Variants in CPLANE2 observed in about 807,000 individuals in gnomAD.
CPLANE2 encodes ciliogenesis and planar polarity effector complex subunit 2.
CPLANE2 carries 24 observed loss-of-function variants against 20.9 expected under a neutral mutation model. That is an observed-to-expected ratio of 1.15 (90% confidence interval 0.83 to 1.61). CPLANE2 has a LOEUF of 1.61. CPLANE2 is among the 40% of genes most tolerant of loss of function. CPLANE2 has a pLI of 0.00. For missense variants in CPLANE2, 330 were observed against 355.1 expected (o/e 0.93, Z 0.57); for synonymous variants, 132 against 144.3 (o/e 0.92, Z 0.61).
Position 16,232,602 on chromosome 1 carries a change from G to A in CPLANE2, c.435C>T (p.Phe145=). Residue 145 remains phenylalanine (F), a synonymous_variant, in exon 4 of 5, where the codon TTC becomes TTT. Transcript: ENST00000375599. ...GGTCTTCAAAGGAGGCACGGTCAGT[G>A]AAGGAGAAGAGGAAGAGGAAGGCAT... is the stretch of plus-strand genomic sequence containing the variant. The part of the protein sequence containing the change: ...NTDAFLFLFS[F]TDRASFEDLP... The A allele has an allele frequency of 1.2e-6, 2 of 1,614,148 alleles. No individual in the cohort carries two copies. Among genetic ancestry groups the A allele is most frequent in the Non-Finnish European group, 1.7e-6 (2 of 1,180,026 alleles).
rs747231552 is a variant in CPLANE2 at position 16,233,598 on chromosome 1, G to C, written c.265+14C>G. 1 of 1,613,838 alleles carries C rather than the reference G, an allele frequency of 6.2e-7. No individual in the cohort carries two copies. The highest frequency in any genetic ancestry group is 8.5e-7 in the Non-Finnish European group (1 of 1,179,932). On this transcript the variant is annotated intron_variant, in intron 2 of 4. Coordinates refer to ENST00000375599, the MANE Select transcript of CPLANE2 (RefSeq NM_030907.4). ...GGCCTCCCAGGATGGGCAAAGGATA[G>C]AGGTCCCACTCACCGGTGGTCTCGT...
Position 16,232,752 on chromosome 1 carries a change from G to A in CPLANE2, c.391-106C>T. On this transcript the variant is annotated intron_variant, in intron 3 of 4. Transcript: ENST00000375599. ...TCACAGATTGGGAAACTGAGGCCCAGAGCAAGGAGCGGCTGGTCCTAGGAC... is the reference window on the plus strand; with the variant it reads ...TCACAGATTGGGAAACTGAGGCCCAAAGCAAGGAGCGGCTGGTCCTAGGAC... 3 of 1,569,254 alleles carry A rather than the reference G, an allele frequency of 1.9e-6. No individual in the cohort carries two copies. In the South Asian group the frequency reaches 3.6e-5, roughly 19 times the overall value.
chr1:16,235,463 C>T (rs2081457447), intron 1 of CPLANE2, among the ~76,000 whole-genome samples: 1 of 152,128 alleles, frequency 6.6e-6, no homozygotes, highest in African/African-American at 2.4e-5. Context: ...ATGTTACAAA[C>T]ACCCTCCTTA....
intron 1 of CPLANE2, among the ~76,000 whole-genome samples, chr1:16,234,003 C>A (rs574111887): frequency 6.6e-6 from 1 of 152,272 alleles, no homozygotes; most frequent in Non-Finnish European, 1.5e-5. Flanking sequence ...CCTTCTGCCA[C>A]GGGATGACAC....
chr1:16,233,010 C>A lies in CPLANE2; in HGVS notation c.273G>T (p.Gln91His). 4 of 1,614,072 alleles carry A rather than the reference C, an allele frequency of 2.5e-6. No individual in the cohort carries two copies. The highest frequency in any genetic ancestry group is 1.1e-5 in the South Asian group (1 of 91,070). Residue 91 changes from glutamine (Q) to histidine (H), a missense_variant, in exon 3 of 5, where the codon CAG (glutamine) becomes CAT (histidine). Gln to His is a conservative substitution (Grantham distance 24). Coordinates refer to ENST00000375599, the MANE Select transcript of CPLANE2 (RefSeq NM_030907.4). ...PVVHHETTGI[Q>H]TTVVFWPAKL... ...TGGCTGGCCAAAATACCACGGTGGTCTGGATGCCTGAGGGGGAGCCAGGGT... is the reference window on the plus strand; with the variant it reads ...TGGCTGGCCAAAATACCACGGTGGTATGGATGCCTGAGGGGGAGCCAGGGT...
In CPLANE2 at chr1:16,232,165, C is replaced by T; in HGVS notation, c.660G>A (p.Gly220=). The T allele has an allele frequency of 1.9e-6, 3 of 1,613,260 alleles. No individual in the cohort carries two copies. The highest frequency in any genetic ancestry group is 2.5e-6 in the Non-Finnish European group (3 of 1,179,950). The stretch of plus-strand genomic sequence containing the variant: ...GGGCAACGTCGGCCAGCCCAGCCCG[C>T]CCGTCCAGTGTGCGCCCATCAGCCA... ...RRLADGRTLD[G]RAGLADVAHI... is the part of the protein sequence containing the mutation. The change falls in exon 5 of 5, where the codon GGG becomes GGA. Residue 220 remains glycine, a synonymous_variant. Transcript: ENST00000375599.
intron 1 of CPLANE2, among the ~76,000 whole-genome samples, chr1:16,234,314 G>A (rs2081447374): frequency 6.6e-6 from 1 of 152,092 alleles, no homozygotes. Context: ...TGAGGCAGGA[G>A]AACTGCTTGA....
intron 1 of CPLANE2, 81 bp from the exon 2 acceptor site, chr1:16,233,845 T>A: frequency 6.7e-7 from 1 of 1,484,866 alleles, no homozygotes; most frequent in Non-Finnish European, 9.3e-7. Flanking sequence ...GTTGGAAACT[T>A]AATCGCCAAT....
chr1:16,235,721 C>T (rs570014387), intron 1 of CPLANE2, among the ~76,000 whole-genome samples: 49 of 146,642 alleles, frequency 3.3e-4, no homozygotes, highest in African/African-American at 1.2e-3. Flanking sequence ...ACTCTTGTCA[C>T]CCAGGATGGA....
chr1:16,236,910 C>A lies in CPLANE2; in HGVS notation c.-168G>T. 1.6e-6 allele frequency: 1 copy of A among 623,272 alleles called. No individual in the cohort carries two copies. 38.6% of individuals were successfully genotyped at this position (623,272 alleles called of 1,614,324 possible). A position where few individuals can be genotyped will look rare whatever the true frequency, so the allele number is the denominator to read the frequency against. On this transcript the variant is annotated 5_prime_UTR_variant, in exon 1 of 5. Coordinates refer to ENST00000375599, the MANE Select transcript of CPLANE2 (RefSeq NM_030907.4). ...TCAGCCGCCTCTCTCCTTCGCAATGCTCCCTGGGGATAGTCATCCCATTAC... is the reference window on the plus strand; with the variant it reads ...TCAGCCGCCTCTCTCCTTCGCAATGATCCCTGGGGATAGTCATCCCATTAC...
rs1023268797 is a variant in CPLANE2, at chr1:16,236,533, C to A, written c.112+98G>T. On this transcript the variant is annotated intron_variant, in intron 1 of 4. Coordinates refer to ENST00000375599, the MANE Select transcript of CPLANE2 (RefSeq NM_030907.4). ...AAGACTGCAGTGGAGCAGGCCCTCA[C>A]TGCCCTGCCTCTCTGCTCTCCTCAG... The A allele has an allele frequency of 1.4e-5, 13 of 943,190 alleles. No individual in the cohort carries two copies. In the Admixed American group the frequency reaches 1.4e-4, roughly 10 times the overall value. 58.4% of individuals were successfully genotyped at this position (943,190 alleles called of 1,614,324 possible).
rs1157241059 is a variant in CPLANE2, at chr1:16,232,516, C to T, written c.521G>A (p.Gly174Asp). ...EAPGVVRMVI[G>D]SKFDQYMHTD... ...AAGGATATCCAAAGGATACTTGGAG[C>T]CGATGACCATCCTGACGACACCAGG... is the stretch of plus-strand genomic sequence containing the variant. The change falls in exon 4 of 5, where the codon GGC becomes GAC. Residue 174 changes from glycine (G) to aspartate (D), a missense_variant. Gly to Asp is a moderately conservative substitution (Grantham distance 94, BLOSUM62 -1). Transcript: ENST00000375599. 1 of 1,613,622 alleles carries T rather than the reference C, an allele frequency of 6.2e-7. No individual in the cohort carries two copies. Among genetic ancestry groups the T allele is most frequent in the Non-Finnish European group, 8.5e-7 (1 of 1,179,818 alleles).
At position 16,233,593 on chromosome 1, in the gene CPLANE2, G is replaced by A. The variant is rs376156364; in HGVS notation, c.265+19C>T. The A allele has an allele frequency of 1.9e-6, 3 of 1,613,568 alleles. No homozygotes were observed. Among genetic ancestry groups the A allele is most frequent in the African/African-American group, 1.3e-5 (1 of 74,948 alleles). ...AGGAGGGCCTCCCAGGATGGGCAAAGGATAGAGGTCCCACTCACCGGTGGT... is the reference window on the plus strand; with the variant it reads ...AGGAGGGCCTCCCAGGATGGGCAAAAGATAGAGGTCCCACTCACCGGTGGT... On this transcript the variant is annotated intron_variant, in intron 2 of 4. Coordinates refer to ENST00000375599, the MANE Select transcript of CPLANE2 (RefSeq NM_030907.4).
chr1:16,233,138 AG>A, intron 2 of CPLANE2, 121 bp from the exon 3 acceptor site: 1 of 1,086,956 alleles, frequency 9.2e-7, no homozygotes, highest in Non-Finnish European at 1.3e-6. Context: ...TAGTTTGATG[AG>A]GGAGGCACAG....
chr1:16,235,789 T>G (rs1452093458), intron 1 of CPLANE2, among the ~76,000 whole-genome samples: 2 of 149,754 alleles, frequency 1.3e-5, no homozygotes, highest in East Asian at 4.0e-4. Context: ...CAAGCGATTC[T>G]CCTGCCTCAG....
chr1:16,232,393 G>A, intron 4 of CPLANE2, 96 bp from the exon 5 acceptor site: 1 of 1,530,802 alleles, frequency 6.5e-7, no homozygotes, highest in Non-Finnish European at 8.8e-7. Context: ...CCCAGGAGCT[G>A]GGGTAGCCAT....
chr1:16,232,059 C>T lies in CPLANE2; in HGVS notation c.766G>A (p.Ala256Thr), dbSNP rs1158059389. 3 of 1,612,544 alleles carry T rather than the reference C, an allele frequency of 1.9e-6. No individual in the cohort carries two copies. Among genetic ancestry groups the T allele is most frequent in the South Asian group, 1.1e-5 (1 of 91,014 alleles). ...CAACCACTCGTGACTCATTCAGGAG[C>T]ACTCTCTGGGGGGTTGGGAAGCAGG... ...AGLLPNPPES[A>T]PE Residue 256 changes from alanine to threonine, a missense_variant, in exon 5 of 5, where the codon GCT becomes ACT. Physicochemically the swap from Ala to Thr is moderately conservative, Grantham distance 58. Coordinates refer to ENST00000375599, the MANE Select transcript of CPLANE2 (RefSeq NM_030907.4).
intron 2 of CPLANE2, among the ~76,000 whole-genome samples, 164 bp downstream of exon 2, chr1:16,233,448 C>T (rs1024413861): frequency 6.6e-6 from 1 of 152,214 alleles, no homozygotes; most frequent in East Asian, 1.9e-4. Flanking sequence ...ACACAACAAC[C>T]CTGTGGTACT....
At chr1:16,234,048 T>C (rs1479715180) in intron 1 of CPLANE2, among the ~76,000 whole-genome samples, 2 of 152,162 alleles carry the variant, frequency 1.3e-5, no homozygotes, top group African/African-American at 4.8e-5. Context: ...TGCTGCCATG[T>C]TCTTAGACTT....
Sources: allele counts gnomAD v4.1 joint callset (sites outside exome capture counted in the v4.1 genomes callset), GRCh38; gene constraint gnomAD v4.1.1; transcripts MANE v1.5; gene names NCBI Gene and HGNC (gene_info 2026-07-23, HGNC 2026-07-21).